Variants in TNPO3 observed in about 807,000 individuals in gnomAD.
TNPO3 encodes the protein transportin 3, also known as transportin-3.
In TNPO3, 65 loss-of-function variants were observed where a neutral mutation model predicts 122.8. The observed-to-expected ratio is 0.53, with a 90% confidence interval of 0.43 to 0.65. The LOEUF (loss-of-function observed/expected upper bound fraction) is 0.65, where lower values mean the gene tolerates loss of function less well. TNPO3 is among the 30% of genes least tolerant of loss of function. The pLI, the probability that TNPO3 is intolerant of heterozygous loss-of-function variation, is 0.00. For synonymous variants in TNPO3, 372 were observed against 411.2 expected (o/e 0.90, Z 1.15); for missense variants, 850 against 1,136.7 (o/e 0.75, Z 3.63).
rs868734863 is a variant in TNPO3 at position 129,034,911 on chromosome 7, A to G, written c.121-16754T>C. On this transcript the variant is annotated intron_variant, in intron 1 of 22. Coordinates refer to ENST00000265388, the MANE Select transcript of TNPO3 (RefSeq NM_012470.4). ...CTCTGTCTCAAAAAAAAAAAAAAAA[A>G]AAAGACCTGCCAGAAGCAAAAGAAA... Among the ~76,000 whole-genome samples, 820 of 151,132 alleles carry G rather than the reference A, an allele frequency of 5.4e-3. 10 individuals carry two copies. Among genetic ancestry groups the G allele is most frequent in the African/African-American group, 0.019 (793 of 41,208 alleles).
intron 13 of TNPO3, among the ~76,000 whole-genome samples, chr7:128,983,323 C>T (rs757946823): frequency 2.6e-5 from 4 of 152,140 alleles, no homozygotes; most frequent in Non-Finnish European, 5.9e-5. Context: ...TCTCCCGCCT[C>T]AGCCTCCCGA....
At chr7:128,985,761 T>C (rs1198579318) in intron 12 of TNPO3, among the ~76,000 whole-genome samples, 1 of 152,132 alleles carries the variant, frequency 6.6e-6, no homozygotes, top group Non-Finnish European at 1.5e-5. Flanking sequence ...TATCTGTGCC[T>C]ATGAAGGGAA....
chr7:129,050,240 T>C (rs964157665), intron 1 of TNPO3, among the ~76,000 whole-genome samples: 33 of 151,428 alleles, frequency 2.2e-4, no homozygotes, highest in African/African-American at 7.5e-4. Flanking sequence ...AAAAATTAGC[T>C]GGGCATGGTG....
chr7:129,034,330 T>A (rs1461620811), intron 1 of TNPO3, among the ~76,000 whole-genome samples: 2 of 151,626 alleles, frequency 1.3e-5, no homozygotes, highest in African/African-American at 4.9e-5. Context: ...AGGACCAGTC[T>A]GGGCAACAAG....
At chr7:128,956,374 G>A (rs1796899025) in intron 22 of TNPO3, among the ~76,000 whole-genome samples, 1 of 152,154 alleles carries the variant, frequency 6.6e-6, no homozygotes, top group African/African-American at 2.4e-5. Context: ...TCTCCATCAA[G>A]AAACTGGCAC....
In TNPO3 at chr7:129,010,478, T is replaced by TTA. The variant is rs531171580; in HGVS notation, c.552+4499_552+4500dup. Among the ~76,000 whole-genome samples, 497 of 152,290 alleles carry TTA rather than the reference T, an allele frequency of 3.3e-3. 3 individuals are homozygous for TTA. Among genetic ancestry groups the TTA allele is most frequent in the African/African-American group, 0.011 (476 of 41,552 alleles). On this transcript the variant is annotated intron_variant, in intron 4 of 22. Transcript: ENST00000265388. ...CCACATTGCCTGGCCCATAATGAAA[T>TTA]TATTGATTAAGGTAGGGATTATCTA... is the stretch of plus-strand genomic sequence containing the variant.
In TNPO3 at chr7:129,015,019, T is replaced by C. The variant is rs1417212573; in HGVS notation, c.512A>G (p.Glu171Gly). ...IGANRRTEII[E>G]DLAFYSSTVV... is the part of the protein sequence containing the mutation. ...TGTACTAGAGTAGAAGGCCAAATCT[T>C]CTATAATTTCTGTGCGCCGATTAGC... is the stretch of plus-strand genomic sequence containing the variant. Residue 171 changes from glutamate to glycine, a missense_variant, in exon 4 of 23, where the codon GAA becomes GGA. Transcript: ENST00000265388. 5 of 1,612,448 alleles carry C rather than the reference T, an allele frequency of 3.1e-6. No homozygotes were observed. The highest frequency in any genetic ancestry group is 4.2e-6 in the Non-Finnish European group (5 of 1,179,776).
chr7:128,975,387 G>C (rs1798947718), intron 17 of TNPO3, among the ~76,000 whole-genome samples: 1 of 152,138 alleles, frequency 6.6e-6, no homozygotes, highest in Non-Finnish European at 1.5e-5. Flanking sequence ...CCCCTCTGTG[G>C]CTGGAAGGGA....
intron 18 of TNPO3, among the ~76,000 whole-genome samples, chr7:128,973,461 G>A (rs1373427327): frequency 6.6e-6 from 1 of 151,940 alleles, no homozygotes; most frequent in African/African-American, 2.4e-5. Flanking sequence ...GGTGTGCCGG[G>A]CGTGGTGGCT....
chr7:129,026,745 T>C (rs1209153540), intron 1 of TNPO3, among the ~76,000 whole-genome samples: 3 of 152,056 alleles, frequency 2.0e-5, no homozygotes, highest in African/African-American at 7.2e-5. Context: ...TACCTGTTTA[T>C]TAAAAATAAC....
At chr7:129,049,752 A>G (rs1293000163) in intron 1 of TNPO3, among the ~76,000 whole-genome samples, 1 of 152,216 alleles carries the variant, frequency 6.6e-6, no homozygotes, top group Non-Finnish European at 1.5e-5. Flanking sequence ...AAGCTAAAGG[A>G]CAGTGTTAAC....
Position 128,986,844 on chromosome 7 carries a change from G to A in TNPO3, c.1575C>T (p.Asn525=), listed in dbSNP as rs766587874. ...LASAAAKAIH[N]ICSVCRDHMA... is the part of the protein sequence containing the mutation. Reference sequence around the variant, plus strand: ...TGTGATCTCGGCAGACAGAGCAAATGTTATGAATGGCTTTGGCTGCAGCAG... The same window carrying A: ...TGTGATCTCGGCAGACAGAGCAAATATTATGAATGGCTTTGGCTGCAGCAG... The change falls in exon 12 of 23, where the codon AAC becomes AAT. Residue 525 remains asparagine, a synonymous_variant. Transcript: ENST00000265388. 8 of 1,613,982 alleles carry A rather than the reference G, an allele frequency of 5.0e-6. No homozygotes were observed. Among genetic ancestry groups the A allele is most frequent in the Admixed American group, 1.7e-5 (1 of 60,000 alleles).
chr7:128,985,639 A>G (rs1800064748), intron 12 of TNPO3, among the ~76,000 whole-genome samples: 1 of 152,184 alleles, frequency 6.6e-6, no homozygotes, highest in Non-Finnish European at 1.5e-5. Context: ...TTCTACATCT[A>G]TTAGATACCA....
rs1299743179 is a variant in TNPO3, at chr7:129,003,296, G to GTTTTTTTTTTTTTT, written c.696+1719_696+1720insAAAAAAAAAAAAAA. Among the ~76,000 whole-genome samples the GTTTTTTTTTTTTTT allele has an allele frequency of 1.9e-5, 2 of 107,734 alleles. 1 individual carries two copies. Among genetic ancestry groups the GTTTTTTTTTTTTTT allele is most frequent in the Non-Finnish European group, 3.7e-5 (2 of 54,122 alleles). 70.7% of individuals were successfully genotyped at this position (107,734 alleles called of 152,430 possible). On this transcript the variant is annotated intron_variant, in intron 5 of 22. Transcript: ENST00000265388. ...ATATATGAAGTATTTTAATTTTTAGGGTTTTTTTTTTTTTTTTTTTTTAAG... is the reference window on the plus strand; with the variant it reads ...ATATATGAAGTATTTTAATTTTTAGGTTTTTTTTTTTTTTGTTTTTTTTTTTTTTTTTTTTTAAG...
intron 21 of TNPO3, 111 bp from the exon 22 acceptor site, chr7:128,957,426 T>G: frequency 9.2e-7 from 1 of 1,086,218 alleles, no homozygotes; most frequent in Admixed American, 2.0e-5. Context: ...TGCTAGGAGC[T>G]CTCTCCATCG....
intron 20 of TNPO3, among the ~76,000 whole-genome samples, chr7:128,968,340 G>A (rs958151032): frequency 3.3e-5 from 5 of 152,130 alleles, no homozygotes; most frequent in Admixed American, 6.5e-5. Flanking sequence ...GTATATCTAA[G>A]AATTCTCTTT....
intron 4 of TNPO3, among the ~76,000 whole-genome samples, chr7:129,006,588 A>G (rs143261734): frequency 1.1e-4 from 16 of 152,358 alleles, no homozygotes; most frequent in Non-Finnish European, 2.2e-4. Context: ...TCTTGCAAGC[A>G]ATGAGTTAGA....
At chr7:129,035,792 A>G (rs1806579286) in intron 1 of TNPO3, among the ~76,000 whole-genome samples, 1 of 152,128 alleles carries the variant, frequency 6.6e-6, no homozygotes, top group African/African-American at 2.4e-5. Context: ...AAAAATGACA[A>G]ATTATCGTCT....
At chr7:128,978,266 C>T (rs1219365445) in intron 16 of TNPO3, among the ~76,000 whole-genome samples, 1 of 152,176 alleles carries the variant, frequency 6.6e-6, no homozygotes, top group Non-Finnish European at 1.5e-5. Flanking sequence ...AATTACATAT[C>T]AATCTTAATG....
Sources: allele counts gnomAD v4.1 joint callset (sites outside exome capture counted in the v4.1 genomes callset), GRCh38; gene constraint gnomAD v4.1.1; transcripts MANE v1.5; gene names NCBI Gene and HGNC (gene_info 2026-07-23, HGNC 2026-07-21).